The following ADGRB3 variants were observed in gnomAD, a reference collection of about 807,000 sequenced individuals.
ADGRB3 encodes adhesion G protein-coupled receptor B3.
Under a neutral mutation model 193.4 loss-of-function variants are expected in ADGRB3, and 37 were observed. The observed-to-expected ratio is 0.19, with a 90% CI of 0.15 to 0.25. The LOEUF is 0.25. Among genes scored for constraint, ADGRB3 ranks in the 10% least tolerant of loss-of-function variants. The pLI is 1.00. For missense variants in ADGRB3, 1,637 were observed against 1,852.9 expected (o/e 0.88, Z 2.14); for synonymous variants, 690 against 644.2 (o/e 1.07, Z -1.08).
At chr6:69,120,982 C>T (rs955475676) in intron 17 of ADGRB3, among the ~76,000 whole-genome samples, 2 of 148,558 alleles carry the variant, frequency 1.3e-5, no homozygotes, top group Non-Finnish European at 3.0e-5. Context: ...TTTGTTTCTC[C>T]AAGTTTATGC....
intron 30 of ADGRB3, among the ~76,000 whole-genome samples, chr6:69,382,243 C>A (rs1363936377): frequency 6.6e-6 from 1 of 151,866 alleles, no homozygotes; most frequent in Non-Finnish European, 1.5e-5. Context: ...TGGATGAAAT[C>A]TATGGGTCAG....
intron 17 of ADGRB3, among the ~76,000 whole-genome samples, chr6:69,133,529 T>A (rs1343141030): frequency 1.3e-5 from 2 of 152,102 alleles, no homozygotes; most frequent in Non-Finnish European, 2.9e-5. Flanking sequence ...AGCCAAATTC[T>A]ACCAGAGGTA....
intron 17 of ADGRB3, among the ~76,000 whole-genome samples, chr6:69,111,797 C>A (rs1280342243): frequency 6.6e-6 from 1 of 152,098 alleles, no homozygotes; most frequent in Admixed American, 6.5e-5. Flanking sequence ...ATAAAACAAT[C>A]AAATACATGT....
At chr6:68,946,297 A>G (rs1767773913) in intron 6 of ADGRB3, among the ~76,000 whole-genome samples, 1 of 152,096 alleles carries the variant, frequency 6.6e-6, no homozygotes, top group African/African-American at 2.4e-5. Flanking sequence ...AGAACTCATC[A>G]TCTTATAGCT....
At chr6:68,809,932 G>A (rs947517070) in intron 3 of ADGRB3, among the ~76,000 whole-genome samples, 5 of 152,114 alleles carry the variant, frequency 3.3e-5, no homozygotes, top group Admixed American at 1.3e-4. Context: ...ACATTATTTA[G>A]TGAAAAGTTC....
At chr6:69,238,187 T>C (rs1766310293) in intron 19 of ADGRB3, among the ~76,000 whole-genome samples, 1 of 152,072 alleles carries the variant, frequency 6.6e-6, no homozygotes, top group Admixed American at 6.6e-5. Flanking sequence ...TAATGCTGCA[T>C]AGAAAAGCTC....
chr6:69,004,338 C>T (rs1582386664), intron 11 of ADGRB3, among the ~76,000 whole-genome samples: 1 of 151,962 alleles, frequency 6.6e-6, no homozygotes, highest in African/African-American at 2.4e-5. Context: ...CTGTCTTTTA[C>T]ACATGGTCTT....
chr6:69,299,293 G>A (rs1767902272), intron 20 of ADGRB3, among the ~76,000 whole-genome samples: 2 of 151,526 alleles, frequency 1.3e-5, no homozygotes, highest in Admixed American at 6.6e-5. Flanking sequence ...TGAGTTGTTT[G>A]AGTTCCTTAT....
chr6:68,900,818 G>A (rs1766375221), intron 3 of ADGRB3, among the ~76,000 whole-genome samples: 1 of 152,066 alleles, frequency 6.6e-6, no homozygotes, highest in Non-Finnish European at 1.5e-5. Context: ...AAGGAACAGT[G>A]CTTCTCCTTA....
intron 3 of ADGRB3, among the ~76,000 whole-genome samples, chr6:68,763,258 T>G (rs1766447122): frequency 6.6e-6 from 1 of 152,078 alleles, no homozygotes; most frequent in African/African-American, 2.4e-5. Context: ...GCCTAGCTAA[T>G]TTTTATATTT....
At chr6:68,739,920 G>A (rs1765944415) in intron 3 of ADGRB3, among the ~76,000 whole-genome samples, 1 of 151,980 alleles carries the variant, frequency 6.6e-6, no homozygotes, top group South Asian at 2.1e-4. Context: ...TGTACTATTA[G>A]TATCGAAAGG....
In ADGRB3 at chr6:69,014,098, G is replaced by A. The variant is rs1292031281; in HGVS notation, c.1990G>A (p.Ala664Thr). 12 of 1,602,698 alleles carry A rather than the reference G, an allele frequency of 7.5e-6. No individual in the cohort carries two copies. Among genetic ancestry groups the A allele is most frequent in the Non-Finnish European group, 1.0e-5 (12 of 1,173,144 alleles). The part of the protein sequence containing the change: ...DEENKEKWED[A>T]QQIYPGSIEL... ...AGAAAACAAGGAAAAATGGGAAGAT[G>A]CACAACAGGTAAGGTTAGGGTTATT... Residue 664 changes from alanine to threonine, a missense_variant, in exon 12 of 32, where the codon GCA becomes ACA. Physicochemically the swap from Ala to Thr is moderately conservative, Grantham distance 58. Around this residue, in one of 7 missense-constraint regions of ADGRB3, gnomAD observed 641 missense variants for 673.9 expected, o/e 0.95. Transcript: ENST00000370598.
intron 13 of ADGRB3, among the ~76,000 whole-genome samples, chr6:69,020,280 C>T (rs148970739): frequency 2.7e-4 from 41 of 152,090 alleles, no homozygotes; most frequent in Non-Finnish European, 5.4e-4. Flanking sequence ...ACAAACAAAG[C>T]CAATCTCAGA....
intron 3 of ADGRB3, among the ~76,000 whole-genome samples, chr6:68,745,152 A>G (rs1260202121): frequency 2.0e-5 from 3 of 152,196 alleles, no homozygotes; most frequent in African/African-American, 7.2e-5. Context: ...CCATGTTCAC[A>G]GCAGCACTAT....
chr6:68,817,419 G>A (rs1767659140), intron 3 of ADGRB3, among the ~76,000 whole-genome samples: 1 of 135,342 alleles, frequency 7.4e-6, no homozygotes, highest in South Asian at 2.4e-4. Context: ...TATTACTTAT[G>A]ATATTCATTA....
chr6:68,882,968 A>T (rs1765774589), intron 3 of ADGRB3, among the ~76,000 whole-genome samples: 1 of 152,050 alleles, frequency 6.6e-6, no homozygotes, highest in African/African-American at 2.4e-5. Context: ...ATCTCTGCTT[A>T]CTGCAAGCTC....
intron 17 of ADGRB3, among the ~76,000 whole-genome samples, chr6:69,205,044 A>G (rs1582543102): frequency 6.6e-6 from 1 of 152,164 alleles, no homozygotes. Context: ...CACTTTTTCC[A>G]TTAAAAGTAA....
intron 3 of ADGRB3, among the ~76,000 whole-genome samples, chr6:68,753,809 G>A (rs572878967): frequency 1.4e-4 from 22 of 152,238 alleles, no homozygotes; most frequent in Non-Finnish European, 2.4e-4. Flanking sequence ...GTATTCGCAG[G>A]ACACCATGAC....
intron 3 of ADGRB3, among the ~76,000 whole-genome samples, chr6:68,852,867 A>C (rs1768434630): frequency 6.6e-6 from 1 of 152,000 alleles, no homozygotes; most frequent in Non-Finnish European, 1.5e-5. Flanking sequence ...TTTTAAGTAG[A>C]AAATATTGGC....
Sources: allele counts gnomAD v4.1 joint callset (sites outside exome capture counted in the v4.1 genomes callset), GRCh38; gene constraint gnomAD v4.1.1; regional missense constraint gnomAD v4.1.1; transcripts MANE v1.5; gene names NCBI Gene and HGNC (gene_info 2026-07-23, HGNC 2026-07-21).